KDM5B: variants seen among roughly 807,000 people sequenced by gnomAD.
The protein encoded by KDM5B is lysine demethylase 5B, also known as lysine-specific demethylase 5B.
KDM5B carries 144 observed loss-of-function variants against 193.4 expected under a neutral mutation model. The observed-to-expected ratio is 0.74, with a 90% confidence interval of 0.65 to 0.86. KDM5B has a LOEUF of 0.86. Among genes scored for constraint, KDM5B ranks in the 40% least tolerant of loss-of-function variants. KDM5B has a pLI of 0.00. For synonymous variants in KDM5B, 668 were observed against 682.6 expected (o/e 0.98, Z 0.33); for missense variants, 1,833 against 1,886.9 (o/e 0.97, Z 0.53).
At chr1:202,758,159 C>G (rs1233885326) in intron 9 of KDM5B, among the ~76,000 whole-genome samples, 1 of 152,060 alleles carries the variant, frequency 6.6e-6, no homozygotes, top group Non-Finnish European at 1.5e-5. Context: ...ATTACTGGTG[C>G]TGTATAATCT....
At chr1:202,760,000 T>C (rs1479790205) in intron 8 of KDM5B, among the ~76,000 whole-genome samples, 1 of 152,212 alleles carries the variant, frequency 6.6e-6, no homozygotes, top group Admixed American at 6.5e-5. Context: ...GCCTCATTAC[T>C]GTCGACTGCC....
chr1:202,755,760 T>G (rs1284117555), intron 10 of KDM5B, among the ~76,000 whole-genome samples: 1 of 152,072 alleles, frequency 6.6e-6, no homozygotes, highest in Non-Finnish European at 1.5e-5. Context: ...GAAGTCAGGA[T>G]AGTGATTATC....
intron 1 of KDM5B, among the ~76,000 whole-genome samples, chr1:202,787,293 G>A (rs1657451477): frequency 6.6e-6 from 1 of 152,090 alleles, no homozygotes; most frequent in African/African-American, 2.4e-5. Flanking sequence ...TTACAGGTGT[G>A]AGCCACCCAT....
intron 8 of KDM5B, 148 bp from the exon 9 acceptor site, chr1:202,758,658 A>G (rs1656116835): frequency 3.9e-6 from 2 of 508,694 alleles, no homozygotes; most frequent in African/African-American, 3.9e-5. Flanking sequence ...AACCTGCCTG[A>G]AAAATGTGGT....
chr1:202,728,760 T>C lies in KDM5B; in HGVS notation c.*276A>G, dbSNP rs1445921387. On this transcript the variant is annotated 3_prime_UTR_variant, in exon 27 of 27. Coordinates refer to ENST00000367265, the MANE Select transcript of KDM5B (RefSeq NM_006618.5). ...GGTGCAAGCTTCAATGCCTTCCAAATTGGTGGGAACCCCTGCAAAAAAAAC... is the reference window on the plus strand; with the variant it reads ...GGTGCAAGCTTCAATGCCTTCCAAACTGGTGGGAACCCCTGCAAAAAAAAC... 3.0e-6 allele frequency: 1 copy of C among 329,540 alleles called. No homozygotes were observed. The highest frequency in any genetic ancestry group is 5.9e-5 in the East Asian group (1 of 16,852). 20.4% of individuals were successfully genotyped at this position (329,540 alleles called of 1,614,324 possible). A position where few individuals can be genotyped will look rare whatever the true frequency, so the allele number is the denominator to read the frequency against.
At chr1:202,806,069 C>A (rs1332929242) in intron 1 of KDM5B, among the ~76,000 whole-genome samples, 1 of 152,184 alleles carries the variant, frequency 6.6e-6, no homozygotes, top group Non-Finnish European at 1.5e-5. Flanking sequence ...GCAATTCGAT[C>A]ACACATTTTG....
At chr1:202,776,165 G>A (rs543273174) in intron 2 of KDM5B, 1 of 152,278 alleles carries the variant, frequency 6.6e-6, no homozygotes, top group African/African-American at 2.4e-5. Context: ...AGGAGGCAGA[G>A]GTTGCAGTGA....
chr1:202,740,429 C>T (rs183459425), intron 20 of KDM5B, among the ~76,000 whole-genome samples: 1,296 of 128,800 alleles, frequency 0.01, 51 homozygotes, highest in African/African-American at 0.032. Context: ...ACCTCCCTCC[C>T]GGACGGGGCG....
At chr1:202,805,188 G>T (rs2102354992) in intron 1 of KDM5B, among the ~76,000 whole-genome samples, 1 of 152,248 alleles carries the variant, frequency 6.6e-6, no homozygotes, top group South Asian at 2.1e-4. Flanking sequence ...AATTTAAGAA[G>T]GTTTTGGTCC....
chr1:202,755,272 A>C lies in KDM5B; in HGVS notation c.1537T>G (p.Trp513Gly). ...TGGGTTCTTTTTGGAACTTCTCACCAGTGCAAGTAGTTAATTGAATAGCTC... is the reference window on the plus strand; with the variant it reads ...TGGGTTCTTTTTGGAACTTCTCACCCGTGCAAGTAGTTAATTGAATAGCTC... ...HWSYSINYLH[W>G]GEPKTWYGVP... is the part of the protein sequence containing the mutation. Residue 513 changes from tryptophan to glycine, a missense_variant and splice_region_variant, in exon 11 of 27, where the codon TGG (tryptophan) becomes GGG (glycine). Coordinates refer to ENST00000367265, the MANE Select transcript of KDM5B (RefSeq NM_006618.5). 6.2e-7 allele frequency: 1 copy of C among 1,613,294 alleles called. No individual in the cohort carries two copies. Among genetic ancestry groups the C allele is most frequent in the East Asian group, 2.2e-5 (1 of 44,870 alleles).
chr1:202,793,745 A>C (rs891574071), intron 1 of KDM5B, among the ~76,000 whole-genome samples: 2 of 152,228 alleles, frequency 1.3e-5, no homozygotes, highest in African/African-American at 4.8e-5. Flanking sequence ...ATCAAATTCT[A>C]AACTTTGTTC....
intron 14 of KDM5B, 164 bp from the exon 15 acceptor site, chr1:202,746,487 C>T (rs561904581): frequency 1.4e-4 from 72 of 518,710 alleles, no homozygotes; most frequent in Non-Finnish European, 2.1e-4. Context: ...AATGACCTAG[C>T]AAATACAGGC....
At chr1:202,796,151 C>T (rs6427967) in intron 1 of KDM5B, 142,097 of 196,904 alleles carry the variant, frequency 0.72, 53,604 homozygotes, top group Non-Finnish European at 0.83. Flanking sequence ...CCATTTGCAG[C>T]CTCAGTGCCC....
intron 1 of KDM5B, among the ~76,000 whole-genome samples, chr1:202,784,695 T>C (rs1657333880): frequency 6.6e-6 from 1 of 152,202 alleles, no homozygotes; most frequent in Admixed American, 6.5e-5. Context: ...TGCCACTCAC[T>C]GATAGGTGTC....
At chr1:202,748,382 A>AC (rs537977700) in intron 14 of KDM5B, among the ~76,000 whole-genome samples, 47 of 152,304 alleles carry the variant, frequency 3.1e-4, no homozygotes, top group African/African-American at 1.1e-3. Context: ...CATGATTCAC[A>AC]CAAGAAAATA....
rs1484567778 is a variant in KDM5B, at chr1:202,740,786, G to A, written c.2972C>T (p.Ala991Val). The A allele has an allele frequency of 1.2e-6, 2 of 1,612,480 alleles. No individual in the cohort carries two copies. The highest frequency in any genetic ancestry group is 4.5e-5 in the East Asian group (2 of 44,868). The change falls in exon 20 of 27, where the codon GCT becomes GTT. Residue 991 changes from alanine (A) to valine (V), a missense_variant. Physicochemically the swap from Ala to Val is moderately conservative, Grantham distance 64. This residue lies in a region of KDM5B where 1,379 missense variants were observed against 1,349.6 expected (regional missense o/e 1.02). Transcript: ENST00000367265. Reference protein sequence around the residue: ...ARPRHSLNSLATAVKEIEEIP... With the variant: ...ARPRHSLNSLVTAVKEIEEIP... The stretch of plus-strand genomic sequence containing the variant: ...CTCTTCGATTTCCTTTACTGCCGTA[G>A]CAAGGCTATTCAATGAATGTCGTGG...
chr1:202,762,698 C>A lies in KDM5B; in HGVS notation c.918+1G>T. On this transcript the variant is annotated splice_donor_variant, in intron 7 of 26. Transcript: ENST00000367265. LOFTEE classifies it high-confidence loss of function. ...AAAGGAGAAAGGGAGATGTCACTCA[C>A]AGCATTGGTGGCTTTTTTAGATCGA... 6.5e-7 allele frequency: 1 copy of A among 1,527,844 alleles called. No individual in the cohort carries two copies. The allele number at this position is 1,527,844 out of a possible 1,614,324, so 94.6% of individuals were successfully genotyped here.
chr1:202,753,739 G>C (rs1218821010), intron 11 of KDM5B, among the ~76,000 whole-genome samples: 3 of 136,784 alleles, frequency 2.2e-5, no homozygotes, highest in Non-Finnish European at 4.6e-5. Context: ...ACGCAATCTT[G>C]GCTCACTGCA....
chr1:202,753,675 G>GT lies in KDM5B; in HGVS notation c.1539-609dup, dbSNP rs35243011. On this transcript the variant is annotated intron_variant, in intron 11 of 26. Coordinates refer to ENST00000367265, the MANE Select transcript of KDM5B (RefSeq NM_006618.5). ...CTTTTGTTGTTGTTGTTTTTTTTTTGTTTTTTTTTTTTGAGACTGAGTCTT... is the reference window on the plus strand; with the variant it reads ...CTTTTGTTGTTGTTGTTTTTTTTTTGTTTTTTTTTTTTTGAGACTGAGTCTT... Among the ~76,000 whole-genome samples the GT allele has an allele frequency of 7.4e-4, 65 of 87,362 alleles. 1 individual carries two copies. Among genetic ancestry groups the GT allele is most frequent in the East Asian group, 2.3e-3 (5 of 2,180 alleles). The allele number at this position is 87,362 out of a possible 152,430, so 57.3% of individuals were successfully genotyped here. A position where few individuals can be genotyped will look rare whatever the true frequency, so the allele number is the denominator to read the frequency against.
Sources: gnomAD v4.1 joint callset for allele counts (sites outside exome capture counted in the v4.1 genomes callset) on GRCh38, gnomAD v4.1.1 for gene constraint, gnomAD v4.1.1 regional missense constraint, MANE v1.5 for transcripts, NCBI Gene and HGNC (gene_info 2026-07-23, HGNC 2026-07-21) for gene names.